Variants in TEC observed in about 807,000 individuals in gnomAD.
The protein encoded by TEC is tyrosine-protein kinase Tec.
A neutral mutation model predicts 93.0 loss-of-function variants in TEC; 72 were observed. The observed-to-expected ratio is 0.77, with a 90% CI of 0.64 to 0.94. The LOEUF (loss-of-function observed/expected upper bound fraction) is 0.94. Among genes scored for constraint, TEC ranks in the 40% least tolerant of loss-of-function variants. The pLI, the probability that TEC is intolerant of heterozygous loss-of-function variation, is 0.00. For synonymous variants in TEC, 249 were observed against 247.7 expected, an observed-to-expected ratio of 1.01 and a Z score of -0.05; for missense variants, 630 against 757.9, an observed-to-expected ratio of 0.83 and a Z score of 1.98.
intron 8 of TEC, among the ~76,000 whole-genome samples, chr4:48,161,591 C>T (rs1720660336): frequency 8.6e-6 from 1 of 116,098 alleles, no homozygotes; most frequent in South Asian, 2.9e-4. Flanking sequence ...TCCACAGCTG[C>T]CAGAGGCTTT....
chr4:48,173,681 C>A (rs754789095), intron 3 of TEC, among the ~76,000 whole-genome samples: 1 of 152,224 alleles, frequency 6.6e-6, no homozygotes, highest in Non-Finnish European at 1.5e-5. Context: ...ACCCACCCTC[C>A]TATTTATATC....
intron 1 of TEC, among the ~76,000 whole-genome samples, chr4:48,250,378 T>C (rs1724168676): frequency 6.6e-6 from 1 of 152,238 alleles, no homozygotes; most frequent in Admixed American, 6.5e-5. Flanking sequence ...AATAGATTGA[T>C]TGGAATAATG....
At chr4:48,147,942 T>C (rs1405326948) in intron 11 of TEC, among the ~76,000 whole-genome samples, 3 of 152,210 alleles carry the variant, frequency 2.0e-5, no homozygotes, top group African/African-American at 4.8e-5. Context: ...TACTACAACA[T>C]GACAATGTCA....
intron 8 of TEC, among the ~76,000 whole-genome samples, chr4:48,157,833 C>T (rs1323390664): frequency 2.0e-5 from 3 of 152,124 alleles, no homozygotes; most frequent in South Asian, 4.1e-4. Flanking sequence ...TCTTCTTATC[C>T]TTTGGAAAGC....
chr4:48,219,467 C>A (rs1723184351), intron 2 of TEC, among the ~76,000 whole-genome samples: 1 of 152,208 alleles, frequency 6.6e-6, no homozygotes, highest in Non-Finnish European at 1.5e-5. Flanking sequence ...TGGTCACGCT[C>A]CTTGTCCACT....
intron 3 of TEC, among the ~76,000 whole-genome samples, chr4:48,175,417 C>T (rs1034646463): frequency 1.3e-5 from 2 of 152,200 alleles, no homozygotes; most frequent in Admixed American, 6.5e-5. Flanking sequence ...AGCATAAAAA[C>T]ATCCTTGAGC....
chr4:48,147,686 T>C (rs754369407), intron 11 of TEC, among the ~76,000 whole-genome samples: 24 of 152,224 alleles, frequency 1.6e-4, no homozygotes, highest in Non-Finnish European at 2.8e-4. Flanking sequence ...TCTCACCATT[T>C]AGCATTATTA....
intron 1 of TEC, among the ~76,000 whole-genome samples, chr4:48,251,202 A>G (rs1039591147): frequency 1.8e-4 from 28 of 152,110 alleles, no homozygotes; most frequent in African/African-American, 4.8e-4. Context: ...CCACTCCCCA[A>G]TGGCCCACTA....
chr4:48,168,375 A>T (rs1000740158), intron 6 of TEC, among the ~76,000 whole-genome samples: 1 of 152,218 alleles, frequency 6.6e-6, no homozygotes, highest in Non-Finnish European at 1.5e-5. Context: ...ATCTCCAATG[A>T]TAAAATCTCA....
chr4:48,249,702 T>C (rs988372493), intron 1 of TEC, among the ~76,000 whole-genome samples: 5 of 152,220 alleles, frequency 3.3e-5, no homozygotes, highest in African/African-American at 1.2e-4. Context: ...CTGCTAACCC[T>C]GAGCTGAAAT....
intron 2 of TEC, among the ~76,000 whole-genome samples, chr4:48,223,276 G>A (rs1238423542): frequency 1.3e-5 from 2 of 151,984 alleles, no homozygotes; most frequent in African/African-American, 2.4e-5. Context: ...TTTTAAAGAA[G>A]TTATAACTGA....
intron 4 of TEC, 22 bp downstream of exon 4, chr4:48,171,346 G>T: frequency 6.3e-7 from 1 of 1,590,152 alleles, no homozygotes; most frequent in Non-Finnish European, 8.6e-7. Context: ...TATATACAGA[G>T]TAATATTTCA....
At chr4:48,182,995 T>A (rs1287502636) in intron 2 of TEC, among the ~76,000 whole-genome samples, 1 of 152,128 alleles carries the variant, frequency 6.6e-6, no homozygotes, top group Non-Finnish European at 1.5e-5. Flanking sequence ...TTCCAAATGA[T>A]TCGTCCCTTT....
At chr4:48,218,478 T>G (rs1389668742) in intron 2 of TEC, among the ~76,000 whole-genome samples, 1 of 152,166 alleles carries the variant, frequency 6.6e-6, no homozygotes, top group African/African-American at 2.4e-5. Context: ...CCTGGTAATC[T>G]CTAACATTTG....
chr4:48,183,652 AG>A (rs1398139358), intron 2 of TEC, among the ~76,000 whole-genome samples: 2 of 152,152 alleles, frequency 1.3e-5, no homozygotes, highest in African/African-American at 4.8e-5. Context: ...CCTGGTTCTC[AG>A]GCCTTTGGAC....
At chr4:48,232,984 T>G (rs1723688815) in intron 1 of TEC, among the ~76,000 whole-genome samples, 1 of 152,172 alleles carries the variant, frequency 6.6e-6, no homozygotes, top group African/African-American at 2.4e-5. Flanking sequence ...TCCACTTCCA[T>G]GCCATAGATC....
chr4:48,204,208 G>A (rs1450133900), intron 2 of TEC, among the ~76,000 whole-genome samples: 3 of 152,158 alleles, frequency 2.0e-5, no homozygotes, highest in African/African-American at 4.8e-5. Flanking sequence ...GGGTCTTAAC[G>A]GTTTATACAA....
At chr4:48,154,965 G>A (rs997616006) in intron 9 of TEC, among the ~76,000 whole-genome samples, 1 of 152,150 alleles carries the variant, frequency 6.6e-6, no homozygotes. Context: ...TTGTTTCAGG[G>A]CAAAACTGAA....
At chr4:48,185,517 G>A (rs1302062387) in intron 2 of TEC, among the ~76,000 whole-genome samples, 1 of 152,060 alleles carries the variant, frequency 6.6e-6, no homozygotes, top group Non-Finnish European at 1.5e-5. Context: ...ACAAAAACTT[G>A]GCATTCCATT....
Sources: allele counts gnomAD v4.1 joint callset (sites outside exome capture counted in the v4.1 genomes callset), GRCh38; gene constraint gnomAD v4.1.1; transcripts MANE v1.5; gene names NCBI Gene and HGNC (gene_info 2026-07-23, HGNC 2026-07-21).